The following INTS9 variants were observed in gnomAD, a reference collection of about 807,000 sequenced individuals.
INTS9 encodes the protein integrator complex subunit 9.
INTS9 carries 55 observed loss-of-function variants against 79.7 expected under a neutral mutation model. The observed-to-expected ratio is 0.69, with a 90% confidence interval of 0.56 to 0.86. The LOEUF is 0.86. INTS9 is among the 40% of genes least tolerant of loss of function. INTS9 has a pLI of 0.00. For synonymous variants in INTS9, 319 were observed against 325.2 expected (o/e 0.98, Z 0.20); for missense variants, 721 against 831.5 (o/e 0.87, Z 1.64).
chr8:28,783,773 T>G (rs1803432934), intron 11 of INTS9: 1 of 152,228 alleles, frequency 6.6e-6, no homozygotes, highest in South Asian at 2.1e-4. Flanking sequence ...GTCTGCAAGT[T>G]GAACTGACAT....
chr8:28,816,724 G>A lies in INTS9; in HGVS notation c.489-3112C>T, dbSNP rs370521780. Among the ~76,000 whole-genome samples the A allele has an allele frequency of 9.8e-3, 1,361 of 138,858 alleles. 8 individuals are homozygous for A. Among genetic ancestry groups the A allele is most frequent in the African/African-American group, 0.036 (1,237 of 34,784 alleles). 91.1% of individuals were successfully genotyped at this position (138,858 alleles called of 152,430 possible). A position where few individuals can be genotyped will look rare whatever the true frequency, so the allele number is the denominator to read the frequency against. ...TCTAGTTCTAGATCCCTGAGGAATC[G>A]CCACACTGACTTCCACAATGGTTGA... On this transcript the variant is annotated intron_variant, in intron 6 of 16. Coordinates refer to ENST00000521022, the MANE Select transcript of INTS9 (RefSeq NM_018250.4).
intron 12 of INTS9, chr8:28,780,529 C>A (rs538115118): frequency 1.0e-6 from 1 of 985,404 alleles, no homozygotes; most frequent in East Asian, 1.1e-4. Flanking sequence ...GTTACTGAAT[C>A]ACTGCACTTC....
intron 1 of INTS9, among the ~76,000 whole-genome samples, chr8:28,887,415 A>G (rs534397460): frequency 6.6e-6 from 1 of 152,344 alleles, no homozygotes; most frequent in East Asian, 1.9e-4. Context: ...GTTGGACTGG[A>G]GAGAAATAGA....
At chr8:28,841,487 T>C (rs1386187107) in intron 4 of INTS9, among the ~76,000 whole-genome samples, 1 of 152,138 alleles carries the variant, frequency 6.6e-6, no homozygotes, top group Non-Finnish European at 1.5e-5. Flanking sequence ...TCTAGAATTA[T>C]AAAAAATAAA....
rs1230786889 is a variant in INTS9 at position 28,802,227 on chromosome 8, G to A, written c.745-5572C>T. On this transcript the variant is annotated intron_variant, in intron 8 of 16. Transcript: ENST00000521022. ...CTGATAAATAACAATGGGCTTCTGA[G>A]GACTCCATAAACTCAGGGTCCCCAG... 4.6e-5 allele frequency among the ~76,000 whole-genome samples: 7 copies of A among 152,242 alleles called. No individual in the cohort carries two copies. In the South Asian group the frequency reaches 1.2e-3, roughly 27 times the overall value.
At position 28,812,448 on chromosome 8, in the gene INTS9, G is replaced by T. The variant is rs778861325; in HGVS notation, c.623C>A (p.Ala208Glu). 1 of 1,612,840 alleles carries T rather than the reference G, an allele frequency of 6.2e-7. No homozygotes were observed. The highest frequency in any genetic ancestry group is 8.5e-7 in the Non-Finnish European group (1 of 1,179,576). ...GYSQKIELFG[A>E]VQVTPLSSGY... is the part of the protein sequence containing the mutation. ...AGAGCTCAGAGGAGTCACCTGGACC[G>T]CACCAAAAAGCTCCTAAAAGAGAAC... Residue 208 changes from alanine to glutamate, a missense_variant, in exon 8 of 17, where the codon GCG (alanine) becomes GAG (glutamate). Coordinates refer to ENST00000521022, the MANE Select transcript of INTS9 (RefSeq NM_018250.4).
chr8:28,880,401 G>C (rs1258942315), intron 1 of INTS9, among the ~76,000 whole-genome samples: 1 of 152,122 alleles, frequency 6.6e-6, no homozygotes, highest in Admixed American at 6.5e-5. Flanking sequence ...TGCGATTGCA[G>C]GCGCGTGCCG....
chr8:28,832,691 T>A (rs1019686557), intron 6 of INTS9, among the ~76,000 whole-genome samples: 1 of 152,086 alleles, frequency 6.6e-6, no homozygotes, highest in Non-Finnish European at 1.5e-5. Flanking sequence ...TGCCTGGGTG[T>A]GGTGGCTCAT....
Position 28,775,869 on chromosome 8 carries a change from T to C in INTS9, c.1453A>G (p.Arg485Gly). The C allele has an allele frequency of 1.2e-6, 2 of 1,611,790 alleles. No homozygotes were observed. The highest frequency in any genetic ancestry group is 1.3e-5 in the African/African-American group (1 of 74,984). ...TGGCAGTCGATCATGAGGTCCATCC[T>C]GTGGGACTGGGCTGGGGGCGGCTGA... The part of the protein sequence containing the change: ...YTQPPPAQSH[R>G]MDLMIDCQPP... Residue 485 changes from arginine to glycine, a missense_variant, in exon 14 of 17, where the codon AGG (arginine) becomes GGG (glycine). Transcript: ENST00000521022.
intron 1 of INTS9, 73 bp from the exon 2 acceptor site, chr8:28,859,636 ACT>A (rs779023998): frequency 6.7e-7 from 1 of 1,500,400 alleles, no homozygotes; most frequent in Non-Finnish European, 9.2e-7. Flanking sequence ...GAATTAAATA[ACT>A]CTGACGATCT....
At chr8:28,785,207 C>T (rs1803518351) in intron 11 of INTS9, among the ~76,000 whole-genome samples, 2 of 152,214 alleles carry the variant, frequency 1.3e-5, no homozygotes, top group South Asian at 4.1e-4. Context: ...TCAAGTTTGT[C>T]CAAACTCCAG....
chr8:28,769,821 G>A, intron 16 of INTS9, 68 bp downstream of exon 16: 1 of 1,584,466 alleles, frequency 6.3e-7, no homozygotes. Flanking sequence ...TGCAGCCAGG[G>A]GGCCATAGTG....
chr8:28,859,305 G>A (rs1808329266), intron 2 of INTS9, 131 bp downstream of exon 2: 8 of 1,016,662 alleles, frequency 7.9e-6, no homozygotes, highest in Non-Finnish European at 1.1e-5. Context: ...AAATTATTTT[G>A]ATAAAGAACA....
intron 1 of INTS9, among the ~76,000 whole-genome samples, chr8:28,865,940 T>C (rs1808721752): frequency 6.6e-6 from 1 of 151,848 alleles, no homozygotes; most frequent in Non-Finnish European, 1.5e-5. Context: ...TGTGACTAAA[T>C]TATCATTTTT....
intron 1 of INTS9, among the ~76,000 whole-genome samples, chr8:28,862,558 A>C (rs1208404548): frequency 6.6e-6 from 1 of 152,168 alleles, no homozygotes; most frequent in African/African-American, 2.4e-5. Flanking sequence ...TTTTTTTAAG[A>C]TGATTCCCAG....
rs549656124 is a variant in INTS9, at chr8:28,817,563, C to T, written c.489-3951G>A. On this transcript the variant is annotated intron_variant, in intron 6 of 16. Transcript: ENST00000521022. Reference sequence around the variant, plus strand: ...TGCTGTTTTGGTTACTGTAGCCTTGCAGTATAGTTTGAAGTCAGGTAGCGT... The same window carrying T: ...TGCTGTTTTGGTTACTGTAGCCTTGTAGTATAGTTTGAAGTCAGGTAGCGT... Among the ~76,000 whole-genome samples, 578 of 152,168 alleles carry T rather than the reference C, an allele frequency of 3.8e-3. 3 individuals carry two copies. Among genetic ancestry groups the T allele is most frequent in the African/African-American group, 0.012 (509 of 41,500 alleles).
At chr8:28,824,588 G>C (rs1806041535) in intron 6 of INTS9, among the ~76,000 whole-genome samples, 1 of 152,152 alleles carries the variant, frequency 6.6e-6, no homozygotes, top group South Asian at 2.1e-4. Context: ...GTGCTCTTTG[G>C]GAAGGCTGGC....
chr8:28,796,384 C>CT (rs1270202448), intron 9 of INTS9, among the ~76,000 whole-genome samples, 160 bp downstream of exon 9: 1 of 152,212 alleles, frequency 6.6e-6, no homozygotes, highest in East Asian at 1.9e-4. Context: ...GTGTAACACT[C>CT]TTTTCTGTGC....
intron 16 of INTS9, among the ~76,000 whole-genome samples, chr8:28,768,962 T>C (rs1802368284): frequency 6.6e-6 from 1 of 152,128 alleles, no homozygotes; most frequent in Admixed American, 6.5e-5. Context: ...GGTGGAACAC[T>C]GGGTCAGGAC....
Sources: allele counts gnomAD v4.1 joint callset (sites outside exome capture counted in the v4.1 genomes callset), GRCh38; gene constraint gnomAD v4.1.1; transcripts MANE v1.5; gene names NCBI Gene and HGNC (gene_info 2026-07-23, HGNC 2026-07-21).